AEBP2: variants seen among roughly 807,000 people sequenced by gnomAD.
AEBP2 encodes AE binding protein 2.
Under a neutral mutation model 50.8 loss-of-function variants are expected in AEBP2, and 10 were observed. The observed-to-expected ratio is 0.20, with a 90% CI of 0.12 to 0.33. The LOEUF is 0.33. Among genes scored for constraint, AEBP2 ranks in the 10% least tolerant of loss-of-function variants. The pLI, the probability that AEBP2 is intolerant of heterozygous loss-of-function variation, is 1.00. For missense variants in AEBP2, 570 were observed against 688.0 expected (o/e 0.83, Z 1.92); for synonymous variants, 296 against 261.3 (o/e 1.13, Z -1.28).
intron 1 of AEBP2, among the ~76,000 whole-genome samples, chr12:19,447,485 G>T (rs1948092359): frequency 6.6e-6 from 1 of 152,202 alleles, no homozygotes; most frequent in South Asian, 2.1e-4. Flanking sequence ...ACGTTTTCTT[G>T]AGGATTTAAT....
chr12:19,466,103 C>G (rs1948468214), intron 2 of AEBP2, among the ~76,000 whole-genome samples: 1 of 151,902 alleles, frequency 6.6e-6, no homozygotes, highest in Admixed American at 6.6e-5. Flanking sequence ...AGCCACCATG[C>G]CTAGCGGGTT....
At chr12:19,409,703 T>C (rs766877844) in intron 1 of AEBP2, among the ~76,000 whole-genome samples, 2 of 152,220 alleles carry the variant, frequency 1.3e-5, no homozygotes, top group Non-Finnish European at 2.9e-5. Flanking sequence ...ATGGATTTAA[T>C]TTATATACCA....
At chr12:19,468,029 T>C (rs1226833117) in intron 2 of AEBP2, among the ~76,000 whole-genome samples, 30 of 151,604 alleles carry the variant, frequency 2.0e-4, no homozygotes, top group Admixed American at 2.0e-3. Flanking sequence ...GCCTGGATGA[T>C]AGAGCAAGAC....
At chr12:19,447,226 T>G (rs1565707089) in intron 1 of AEBP2, among the ~76,000 whole-genome samples, 1 of 152,238 alleles carries the variant, frequency 6.6e-6, no homozygotes, top group Non-Finnish European at 1.5e-5. Context: ...AATCAAATTC[T>G]TTTTATTCTC....
chr12:19,499,395 A>G (rs527671234), intron 4 of AEBP2, among the ~76,000 whole-genome samples: 1 of 152,292 alleles, frequency 6.6e-6, no homozygotes, highest in African/African-American at 2.4e-5. Flanking sequence ...GGCAGATCAC[A>G]TGAAGCCAGG....
At position 19,521,197 on chromosome 12, in the gene AEBP2, A is replaced by T. The variant is rs1160578832; in HGVS notation, c.*3080A>T. 6.6e-6 allele frequency: 1 copy of T among 152,234 alleles called. No homozygotes were observed. 9.4% of individuals were successfully genotyped at this position (152,234 alleles called of 1,614,324 possible). ...TCTAGTTGACAAAAAGTTTGGAAAC[A>T]TAAACTTAGACCACACAACTTGCAT... On this transcript the variant is annotated 3_prime_UTR_variant, in exon 8 of 8. Coordinates refer to ENST00000266508, the MANE Select transcript of AEBP2 (RefSeq NM_153207.5).
At chr12:19,469,724 C>T (rs1177338418) in intron 2 of AEBP2, among the ~76,000 whole-genome samples, 1 of 152,136 alleles carries the variant, frequency 6.6e-6, no homozygotes, top group Non-Finnish European at 1.5e-5. Flanking sequence ...TGGGATTCTA[C>T]GCACAAGTCA....
At chr12:19,464,712 G>C (rs1045603695) in intron 2 of AEBP2, among the ~76,000 whole-genome samples, 5 of 151,272 alleles carry the variant, frequency 3.3e-5, no homozygotes, top group African/African-American at 4.9e-5. Flanking sequence ...TCACCCTCCC[G>C]AGTAGCTGGG....
At chr12:19,504,554 T>G (rs1387543404) in intron 5 of AEBP2, among the ~76,000 whole-genome samples, 1 of 152,090 alleles carries the variant, frequency 6.6e-6, no homozygotes, top group African/African-American at 2.4e-5. Flanking sequence ...AGTTGTGTAC[T>G]TTTATTACAT....
At chr12:19,450,392 T>C (rs573836794) in intron 1 of AEBP2, among the ~76,000 whole-genome samples, 2 of 151,532 alleles carry the variant, frequency 1.3e-5, no homozygotes, top group South Asian at 4.2e-4. Context: ...AATTTAATAG[T>C]TTTTATTTTT....
intron 5 of AEBP2, among the ~76,000 whole-genome samples, chr12:19,505,053 C>G (rs572456018): frequency 1.3e-5 from 2 of 152,204 alleles, no homozygotes; most frequent in East Asian, 3.9e-4. Flanking sequence ...ATACATTTAT[C>G]TAAATAAGGA....
Position 19,439,988 on chromosome 12 carries a change from G to A in AEBP2, c.289G>A (p.Glu97Lys). 1 of 1,524,662 alleles carries A rather than the reference G, an allele frequency of 6.6e-7. No homozygotes were observed. Among genetic ancestry groups the A allele is most frequent in the South Asian group, 1.2e-5 (1 of 83,582 alleles). The allele number at this position is 1,524,662 out of a possible 1,614,324, so 94.4% of individuals were successfully genotyped here. The change falls in exon 1 of 8, where the codon GAA becomes AAA. Residue 97 changes from glutamate to lysine, a missense_variant. By Grantham distance (56) the Glu-to-Lys change is moderately conservative (BLOSUM62 1). This residue lies in a region of AEBP2 where 386 missense variants were observed against 336.8 expected (regional missense o/e 1.15). Transcript: ENST00000266508. ...PESASQAGED[E>K]DEEEDDEEEE... Reference sequence around the variant, plus strand: ...GAGCGCCAGCCAGGCCGGGGAGGACGAAGACGAGGAGGAGGACGACGAGGA... The same window carrying A: ...GAGCGCCAGCCAGGCCGGGGAGGACAAAGACGAGGAGGAGGACGACGAGGA...
chr12:19,441,179 G>A (rs1947952117), intron 1 of AEBP2, among the ~76,000 whole-genome samples: 1 of 152,168 alleles, frequency 6.6e-6, no homozygotes, highest in African/African-American at 2.4e-5. Flanking sequence ...AATATTTAAA[G>A]TCATGCATTG....
At chr12:19,515,398 G>T (rs552517073) in intron 7 of AEBP2, among the ~76,000 whole-genome samples, 1 of 152,188 alleles carries the variant, frequency 6.6e-6, no homozygotes, top group Non-Finnish European at 1.5e-5. Context: ...TGTGAAGTAG[G>T]TTTTACTATC....
chr12:19,412,114 G>C (rs2095739532), intron 1 of AEBP2, among the ~76,000 whole-genome samples: 1 of 152,222 alleles, frequency 6.6e-6, no homozygotes, highest in South Asian at 2.1e-4. Flanking sequence ...GGCTGTATCT[G>C]TCCGGAGGTA....
At chr12:19,502,306 G>A (rs1949093836) in intron 5 of AEBP2, among the ~76,000 whole-genome samples, 2 of 151,926 alleles carry the variant, frequency 1.3e-5, no homozygotes, top group African/African-American at 4.8e-5. Flanking sequence ...GCTAATTTTT[G>A]TATTTTTAGT....
intron 1 of AEBP2, among the ~76,000 whole-genome samples, chr12:19,414,823 T>A (rs919082768): frequency 3.3e-5 from 5 of 151,646 alleles, no homozygotes; most frequent in African/African-American, 1.2e-4. Context: ...CTCAGGAGGC[T>A]GAGGCAGGAG....
intron 3 of AEBP2, among the ~76,000 whole-genome samples, chr12:19,483,193 T>G (rs1465040795): frequency 6.6e-6 from 1 of 152,178 alleles, no homozygotes. Context: ...CTAGTACCCT[T>G]GTGAGATATA....
At chr12:19,482,676 AG>A (rs928415461) in intron 3 of AEBP2, among the ~76,000 whole-genome samples, 2 of 152,156 alleles carry the variant, frequency 1.3e-5, no homozygotes, top group African/African-American at 4.8e-5. Flanking sequence ...GTTCTGCTAA[AG>A]GGGCAGGTAG....
Sources: allele counts gnomAD v4.1 joint callset (sites outside exome capture counted in the v4.1 genomes callset), GRCh38; gene constraint gnomAD v4.1.1; regional missense constraint gnomAD v4.1.1; transcripts MANE v1.5; gene names NCBI Gene and HGNC (gene_info 2026-07-23, HGNC 2026-07-21).